Variants in RNF216 observed in about 807,000 individuals in gnomAD.
RNF216 encodes E3 ubiquitin-protein ligase RNF216.
Under a neutral mutation model 110.8 loss-of-function variants are expected in RNF216, and 72 were observed. The observed-to-expected ratio is 0.65, with a 90% CI of 0.54 to 0.79. The LOEUF (loss-of-function observed/expected upper bound fraction) is 0.79, where lower values mean the gene tolerates loss of function less well. RNF216 is among the 30% of genes least tolerant of loss of function. RNF216 has a pLI of 0.00. For synonymous variants in RNF216, 495 were observed against 407.5 expected, an observed-to-expected ratio of 1.21 and a Z score of -2.59; for missense variants, 1,342 against 1,141.2, an observed-to-expected ratio of 1.18 and a Z score of -2.54.
intron 13 of RNF216, among the ~76,000 whole-genome samples, chr7:5,666,155 G>C (rs1007940663): frequency 5.0e-5 from 7 of 139,810 alleles, no homozygotes; most frequent in African/African-American, 1.9e-4. Context: ...GACAGAGTGA[G>C]ACTCCGTCTC....
At chr7:5,683,295 ATTTTG>A (rs1790774103) in intron 13 of RNF216, among the ~76,000 whole-genome samples, 3 of 151,702 alleles carry the variant, frequency 2.0e-5, no homozygotes, top group Admixed American at 2.0e-4. Flanking sequence ...ACCTTGCTGG[ATTTTG>A]TTTTATTTTT....
chr7:5,684,137 C>T (rs1181785730), intron 13 of RNF216, among the ~76,000 whole-genome samples: 1 of 112,296 alleles, frequency 8.9e-6, no homozygotes, highest in Non-Finnish European at 1.7e-5. Context: ...GAGTCTCGCT[C>T]TGTCACCCAG....
intron 13 of RNF216, among the ~76,000 whole-genome samples, chr7:5,653,208 A>C (rs1466814318): frequency 1.3e-5 from 2 of 152,160 alleles, no homozygotes; most frequent in African/African-American, 4.8e-5. Flanking sequence ...ATAAACATGC[A>C]TCTTAAATAA....
chr7:5,679,180 C>T (rs1355973029), intron 13 of RNF216, among the ~76,000 whole-genome samples: 1 of 152,164 alleles, frequency 6.6e-6, no homozygotes, highest in Non-Finnish European at 1.5e-5. Flanking sequence ...GATCCTGTCA[C>T]CCTCGGGTAG....
chr7:5,622,723 G>C lies in RNF216; in HGVS notation c.*137C>G. On this transcript the variant is annotated 3_prime_UTR_variant, in exon 17 of 17. Transcript: ENST00000389902. ...CAGGAGCAGTAGCCCTTCTAGGAAA[G>C]GGGTGGGAAGAAAACCAGCCTACCC... 1 of 811,806 alleles carries C rather than the reference G, an allele frequency of 1.2e-6. No homozygotes were observed. Among genetic ancestry groups the C allele is most frequent in the Non-Finnish European group, 1.9e-6 (1 of 514,342 alleles). 50.3% of individuals were successfully genotyped at this position (811,806 alleles called of 1,614,324 possible).
chr7:5,715,702 T>G (rs73064628), intron 10 of RNF216, among the ~76,000 whole-genome samples: 2 of 151,746 alleles, frequency 1.3e-5, no homozygotes, highest in Admixed American at 6.6e-5. Context: ...CTCCTTTTAT[T>G]AACTATAGCA....
At chr7:5,755,383 C>A (rs1054616027) in intron 2 of RNF216, among the ~76,000 whole-genome samples, 2 of 152,116 alleles carry the variant, frequency 1.3e-5, no homozygotes, top group African/African-American at 4.8e-5. Context: ...AAGAATAACA[C>A]AGCATGGTCT....
intron 1 of RNF216, among the ~76,000 whole-genome samples, chr7:5,772,389 C>A (rs1177674691): frequency 6.6e-6 from 1 of 152,160 alleles, no homozygotes; most frequent in Non-Finnish European, 1.5e-5. Flanking sequence ...AAGAAAGAAT[C>A]TCCACAAACA....
chr7:5,762,138 GTTAAA>G (rs1252498941), intron 1 of RNF216, among the ~76,000 whole-genome samples: 18 of 152,046 alleles, frequency 1.2e-4, no homozygotes, highest in Non-Finnish European at 2.9e-5. Flanking sequence ...ATACAACACA[GTTAAA>G]TTAACTAATG....
At chr7:5,775,636 G>C (rs570126142) in intron 1 of RNF216, among the ~76,000 whole-genome samples, 1 of 151,862 alleles carries the variant, frequency 6.6e-6, no homozygotes, top group Non-Finnish European at 1.5e-5. Context: ...TTGAGAGGCC[G>C]AGGTGAGTGG....
chr7:5,771,286 G>A (rs1472903377), intron 1 of RNF216, among the ~76,000 whole-genome samples: 1 of 152,056 alleles, frequency 6.6e-6, no homozygotes, highest in Non-Finnish European at 1.5e-5. Context: ...CATTTAAACA[G>A]AAAGGTAAAA....
intron 13 of RNF216, among the ~76,000 whole-genome samples, chr7:5,681,214 G>A (rs1262834492): frequency 1.1e-4 from 16 of 152,144 alleles, no homozygotes; most frequent in Non-Finnish European, 1.8e-4. Flanking sequence ...CACCCTAAAT[G>A]TTTCTCATAC....
chr7:5,742,431 A>T (rs1027298758), intron 3 of RNF216, among the ~76,000 whole-genome samples: 3 of 152,202 alleles, frequency 2.0e-5, no homozygotes, highest in African/African-American at 7.2e-5. Context: ...ACACATCAGA[A>T]GAATAAGAAA....
intron 5 of RNF216, among the ~76,000 whole-genome samples, chr7:5,736,879 C>T (rs1264505296): frequency 6.6e-6 from 1 of 151,674 alleles, no homozygotes; most frequent in South Asian, 2.1e-4. Context: ...AGCCCCTCCG[C>T]CCGGCAGCCG....
chr7:5,639,861 G>A (rs911124809), intron 15 of RNF216, among the ~76,000 whole-genome samples: 3 of 151,432 alleles, frequency 2.0e-5, no homozygotes, highest in East Asian at 1.9e-4. Flanking sequence ...CTGGGTTCAC[G>A]CCATTCTCCT....
At chr7:5,759,294 C>CA (rs1795806837) in intron 2 of RNF216, among the ~76,000 whole-genome samples, 1 of 152,098 alleles carries the variant, frequency 6.6e-6, no homozygotes. Context: ...TTACAAATTA[C>CA]CCAGTCTTGG....
chr7:5,671,319 C>T (rs778460753), intron 13 of RNF216, among the ~76,000 whole-genome samples: 8 of 152,198 alleles, frequency 5.3e-5, no homozygotes, highest in East Asian at 1.9e-4. Flanking sequence ...CTGAATCACA[C>T]GTGCTAAAAA....
At chr7:5,627,219 C>T (rs1186126110) in intron 15 of RNF216, among the ~76,000 whole-genome samples, 1 of 152,200 alleles carries the variant, frequency 6.6e-6, no homozygotes, top group East Asian at 1.9e-4. Context: ...GACAAACACA[C>T]ACACCGGGCC....
chr7:5,712,586 T>C, intron 12 of RNF216, 129 bp downstream of exon 12: 1 of 877,418 alleles, frequency 1.1e-6, no homozygotes, highest in Non-Finnish European at 1.8e-6. Context: ...ATTGATAATC[T>C]TATTTCTCAG....
Sources: gnomAD v4.1 joint callset for allele counts (sites outside exome capture counted in the v4.1 genomes callset) on GRCh38, gnomAD v4.1.1 for gene constraint, MANE v1.5 for transcripts, NCBI Gene and HGNC (gene_info 2026-07-23, HGNC 2026-07-21) for gene names.